The following NEBL variants were observed in gnomAD, a reference collection of about 807,000 sequenced individuals.
NEBL encodes the protein LIM and SH3 protein 2.
A neutral mutation model predicts 140.2 loss-of-function variants in NEBL; 122 were observed. That is an observed-to-expected ratio of 0.87 (90% CI 0.75 to 1.01). NEBL has a LOEUF of 1.01. Among genes scored for constraint, NEBL ranks in the 50% least tolerant of loss-of-function variants. The pLI, the probability that NEBL is intolerant of heterozygous loss-of-function variation, is 0.00. For synonymous variants in NEBL, 436 were observed against 398.9 expected, an observed-to-expected ratio of 1.09 and a Z score of -1.11; for missense variants, 1,365 against 1,231.3, an observed-to-expected ratio of 1.11 and a Z score of -1.62.
chr10:20,800,856 C>T lies in NEBL; in HGVS notation c.2761+7654G>A, dbSNP rs539249077. 1.1e-4 allele frequency among the ~76,000 whole-genome samples: 16 copies of T among 152,148 alleles called. No homozygotes were observed. In the South Asian group the frequency reaches 2.1e-3, roughly 20 times the overall value. On this transcript the variant is annotated intron_variant, in intron 26 of 27. Transcript: ENST00000377122. ...GCAGACCAGATTCTTAGAAAAGCTC[C>T]AGGAATGGATTAAACCTCCAAGGAA...
chr10:20,852,713 A>T (rs768079369), intron 9 of NEBL, 64 bp from the exon 10 acceptor site: 208 of 1,313,650 alleles, frequency 1.6e-4, no homozygotes, highest in Non-Finnish European at 2.0e-4. Flanking sequence ...ATAAATACTT[A>T]GAAATACAAA....
chr10:20,821,736 C>G (rs1231965800), intron 19 of NEBL, among the ~76,000 whole-genome samples: 1 of 152,052 alleles, frequency 6.6e-6, no homozygotes, highest in Non-Finnish European at 1.5e-5. Context: ...GTATATGAAC[C>G]ACACTTTAGA....
intron 2 of NEBL, among the ~76,000 whole-genome samples, chr10:21,146,951 G>A (rs1350080863): frequency 6.6e-6 from 1 of 152,082 alleles, no homozygotes; most frequent in African/African-American, 2.4e-5. Flanking sequence ...AAAATCAATG[G>A]CTTCTTGATT....
Position 20,835,620 on chromosome 10 carries a change from C to T in NEBL, c.1342G>A (p.Glu448Lys). ...KRASEMASEKEYKKDLESIIK... is the reference protein window; with the variant it reads ...KRASEMASEKKYKKDLESIIK... ...ATTGACTCCAGGTCTTTCTTGTATTCTTTCTGCAAAAGACAACATTTTACA... is the reference window on the plus strand; with the variant it reads ...ATTGACTCCAGGTCTTTCTTGTATTTTTTCTGCAAAAGACAACATTTTACA... Residue 448 changes from glutamate (E) to lysine (K), a missense_variant, in exon 14 of 28, where the codon GAA becomes AAA. Glu to Lys is a moderately conservative substitution (Grantham distance 56). Coordinates refer to ENST00000377122, the MANE Select transcript of NEBL (RefSeq NM_006393.3). 6.2e-7 allele frequency: 1 copy of T among 1,600,104 alleles called. No homozygotes were observed.
chr10:21,234,255 T>C (rs1424797288), intron 3 of NEBL, among the ~76,000 whole-genome samples: 1 of 152,000 alleles, frequency 6.6e-6, no homozygotes, highest in Non-Finnish European at 1.5e-5. Flanking sequence ...ATCCCCGGTG[T>C]TGGAGGTGGG....
intron 4 of NEBL, among the ~76,000 whole-genome samples, chr10:20,884,555 T>TC (rs1846302682): frequency 6.6e-6 from 1 of 152,228 alleles, no homozygotes; most frequent in Admixed American, 6.5e-5. Flanking sequence ...TAATTCTACT[T>TC]GATGGTTATT....
chr10:20,870,664 C>G (rs1588889686), intron 5 of NEBL, among the ~76,000 whole-genome samples: 2 of 152,154 alleles, frequency 1.3e-5, no homozygotes, highest in South Asian at 4.1e-4. Flanking sequence ...TGTTCAAAGG[C>G]CCATGCCTAG....
chr10:21,242,153 G>A (rs1842448169), intron 3 of NEBL, among the ~76,000 whole-genome samples: 1 of 152,112 alleles, frequency 6.6e-6, no homozygotes, highest in African/African-American at 2.4e-5. Context: ...AGTGAGCCAA[G>A]ATCACGCCAC....
chr10:21,005,627 G>A (rs1177856051), intron 3 of NEBL, among the ~76,000 whole-genome samples: 1 of 152,108 alleles, frequency 6.6e-6, no homozygotes, highest in Non-Finnish European at 1.5e-5. Flanking sequence ...CCCGCTACTC[G>A]GGAGGCTCAG....
chr10:20,973,404 T>C (rs1276116781), intron 3 of NEBL, among the ~76,000 whole-genome samples: 2 of 151,984 alleles, frequency 1.3e-5, no homozygotes, highest in Non-Finnish European at 1.5e-5. Context: ...TGAGCAACCA[T>C]GTCCAGCTAA....
At chr10:21,255,571 C>A (rs1842646799) in intron 1 of NEBL, among the ~76,000 whole-genome samples, 1 of 152,174 alleles carries the variant, frequency 6.6e-6, no homozygotes, top group African/African-American at 2.4e-5. Context: ...TGTTCAAGAG[C>A]TGACACGTGG....
intron 2 of NEBL, among the ~76,000 whole-genome samples, chr10:21,067,708 C>G (rs768157124): frequency 6.6e-6 from 1 of 152,080 alleles, no homozygotes; most frequent in South Asian, 2.1e-4. Context: ...AGGCTAGGCA[C>G]GGTGGCTCCT....
At chr10:20,943,669 C>T (rs1253193295) in intron 4 of NEBL, among the ~76,000 whole-genome samples, 1 of 152,156 alleles carries the variant, frequency 6.6e-6, no homozygotes, top group African/African-American at 2.4e-5. Flanking sequence ...TTGTTTCTTA[C>T]CCACATGTCC....
intron 4 of NEBL, among the ~76,000 whole-genome samples, chr10:20,958,665 CT>C (rs980693236): frequency 6.6e-6 from 1 of 152,168 alleles, no homozygotes; most frequent in Non-Finnish European, 1.5e-5. Flanking sequence ...AAGCCAAGTT[CT>C]TTTTCTTCCC....
At chr10:20,953,733 A>G (rs1206925854) in intron 4 of NEBL, among the ~76,000 whole-genome samples, 1 of 152,202 alleles carries the variant, frequency 6.6e-6, no homozygotes, top group Non-Finnish European at 1.5e-5. Context: ...AGCACCAAAA[A>G]GAAAAGAATC....
In NEBL at chr10:20,845,304, G is replaced by A; in HGVS notation, c.1181C>T (p.Thr394Ile). The A allele has an allele frequency of 6.2e-7, 1 of 1,605,572 alleles. No individual in the cohort carries two copies. The stretch of plus-strand genomic sequence containing the variant: ...GTACTTTACATGTAAAAATTCTGGA[G>A]TCTTGTCTAAATCCAGTGATGACCT... ...KGRSSLDLDK[T>I]PEFLHVKYIT... The change falls in exon 12 of 28, where the codon ACT becomes ATT. Residue 394 changes from threonine to isoleucine, a missense_variant. Coordinates refer to ENST00000377122, the MANE Select transcript of NEBL (RefSeq NM_006393.3).
intron 2 of NEBL, among the ~76,000 whole-genome samples, chr10:21,028,538 G>A (rs1362643491): frequency 6.6e-6 from 1 of 152,016 alleles, no homozygotes; most frequent in Non-Finnish European, 1.5e-5. Context: ...TAAAGACAAA[G>A]CTAAAATACT....
intron 3 of NEBL, among the ~76,000 whole-genome samples, chr10:20,969,404 A>T (rs1337620151): frequency 6.6e-6 from 1 of 151,416 alleles, no homozygotes; most frequent in Non-Finnish European, 1.5e-5. Flanking sequence ...AGTGATATTT[A>T]CTGTTTTGTC....
At chr10:21,089,902 T>C (rs184514987) in intron 2 of NEBL, among the ~76,000 whole-genome samples, 1 of 152,334 alleles carries the variant, frequency 6.6e-6, no homozygotes, top group Admixed American at 6.5e-5. Context: ...GCACTGTGCC[T>C]TCTTTTAAAT....
Sources: gnomAD v4.1 joint callset for allele counts (sites outside exome capture counted in the v4.1 genomes callset) on GRCh38, gnomAD v4.1.1 for gene constraint, MANE v1.5 for transcripts, NCBI Gene and HGNC (gene_info 2026-07-23, HGNC 2026-07-21) for gene names.